KMT2C: variants seen among roughly 807,000 people sequenced by gnomAD.
KMT2C encodes histone-lysine N-methyltransferase 2C.
KMT2C carries 88 observed loss-of-function variants against 507.9 expected under a neutral mutation model. The ratio of observed to expected loss-of-function variants is 0.17; its 90% confidence interval spans 0.15 to 0.21. The LOEUF (loss-of-function observed/expected upper bound fraction) is 0.21, where lower values mean the gene tolerates loss of function less well. KMT2C is among the 10% of genes least tolerant of loss of function. KMT2C has a pLI of 1.00. For synonymous variants in KMT2C, 2,049 were observed against 2,080.8 expected, an observed-to-expected ratio of 0.98 and a Z score of 0.42; for missense variants, 4,954 against 5,957.8, an observed-to-expected ratio of 0.83 and a Z score of 5.55.
rs12703198 is a variant in KMT2C at position 152,138,260 on chromosome 7, C to T, written c.14643+536G>A. The T allele has an allele frequency of 0.04, 6,145 of 152,812 alleles. 202 individuals are homozygous for T. The highest frequency in any genetic ancestry group is 0.17 in the East Asian group (868 of 5,186). The allele number at this position is 152,812 out of a possible 1,614,324, so 9.5% of individuals were successfully genotyped here. On this transcript the variant is annotated intron_variant, in intron 58 of 58. Transcript: ENST00000262189. This position sits in a 1 kb window ranked among gnomAD's most constrained non-coding sequence, Gnocchi z 4.2. ...GGAGACAAACAGCAAGCTTGGCACT[C>T]GGCATTTTGAAGACAACAACCCACA...
chr7:152,273,019 A>G (rs1588781475), intron 7 of KMT2C, among the ~76,000 whole-genome samples: 1 of 152,170 alleles, frequency 6.6e-6, no homozygotes, highest in East Asian at 1.9e-4. Context: ...CCCAAAACAT[A>G]TATGCTCATA....
intron 1 of KMT2C, among the ~76,000 whole-genome samples, chr7:152,396,709 C>T (rs1244923686): frequency 6.6e-6 from 1 of 152,154 alleles, no homozygotes; most frequent in African/African-American, 2.4e-5. Flanking sequence ...CTCCCATTTT[C>T]AGAAATGTAG....
intron 1 of KMT2C, among the ~76,000 whole-genome samples, chr7:152,423,918 C>T (rs560595382): frequency 6.0e-5 from 9 of 149,590 alleles, no homozygotes; most frequent in Admixed American, 2.7e-4. Flanking sequence ...TCTTTCTATT[C>T]TGTATGACCT....
chr7:152,225,687 C>A (rs957255242), intron 18 of KMT2C, among the ~76,000 whole-genome samples: 10 of 152,132 alleles, frequency 6.6e-5, no homozygotes, highest in Non-Finnish European at 1.3e-4. Flanking sequence ...CAAAGGACAT[C>A]AGGCCAGGAA....
At chr7:152,315,041 CA>C in intron 4 of KMT2C, 96 bp downstream of exon 4, 1 of 1,055,834 alleles carries the variant, frequency 9.5e-7, no homozygotes, top group East Asian at 2.5e-5. Context: ...AACTGTTCAA[CA>C]AGAACAATCC....
At chr7:152,165,124 C>T (rs888088475) in intron 42 of KMT2C, among the ~76,000 whole-genome samples, 2 of 152,204 alleles carry the variant, frequency 1.3e-5, no homozygotes, top group Non-Finnish European at 2.9e-5. Flanking sequence ...CTGGTTAGAA[C>T]TGAGAAATTA....
At chr7:152,294,230 A>G (rs1161413359) in intron 6 of KMT2C, among the ~76,000 whole-genome samples, 3 of 152,208 alleles carry the variant, frequency 2.0e-5, no homozygotes, top group Non-Finnish European at 4.4e-5. Flanking sequence ...AATATCTAGG[A>G]TTATCTTGCT....
intron 42 of KMT2C, 133 bp from the exon 43 acceptor site, chr7:152,163,959 G>A: frequency 2.6e-6 from 2 of 758,912 alleles, no homozygotes; most frequent in South Asian, 1.8e-5. Flanking sequence ...TTTTGCTTGG[G>A]TAACTGCAAA....
rs112800369 is a variant in KMT2C, at chr7:152,135,511, CTT to C, written c.*1319_*1320del. 9.5e-5 allele frequency: 19 copies of C among 201,058 alleles called. No homozygotes were observed. The highest frequency in any genetic ancestry group is 1.6e-4 in the East Asian group (2 of 12,652). The allele number at this position is 201,058 out of a possible 1,614,324, so 12.5% of individuals were successfully genotyped here. ...GCAGCTGTAAGCATAATCACATCTCCTTTTTTTTTTTAACTTTTTCAAATTTT... is the reference window on the plus strand; with the variant it reads ...GCAGCTGTAAGCATAATCACATCTCCTTTTTTTTTAACTTTTTCAAATTTT... On this transcript the variant is annotated 3_prime_UTR_variant, in exon 59 of 59. Transcript: ENST00000262189.
chr7:152,195,853 C>A, intron 28 of KMT2C, 54 bp downstream of exon 28: 2 of 975,066 alleles, frequency 2.1e-6, no homozygotes, highest in South Asian at 1.7e-5. Flanking sequence ...ACACATCATA[C>A]ACCTCTCGCT....
At chr7:152,330,013 G>A (rs1342139715) in intron 3 of KMT2C, among the ~76,000 whole-genome samples, 6 of 151,522 alleles carry the variant, frequency 4.0e-5, no homozygotes, top group Admixed American at 6.6e-5. Flanking sequence ...GCATGGTGGT[G>A]CATGCCTATA....
At chr7:152,231,324 G>A (rs1318013066) in intron 16 of KMT2C, among the ~76,000 whole-genome samples, 2 of 152,202 alleles carry the variant, frequency 1.3e-5, no homozygotes, top group Non-Finnish European at 2.9e-5. Flanking sequence ...ACTAGAAGCT[G>A]TAGAAGAAGA....
chr7:152,228,018 A>C (rs1227935396), intron 18 of KMT2C, among the ~76,000 whole-genome samples: 1 of 152,242 alleles, frequency 6.6e-6, no homozygotes, highest in Non-Finnish European at 1.5e-5. Flanking sequence ...GAGTCTGTAA[A>C]GTTAAAACAA....
rs28635745 is a variant in KMT2C, at chr7:152,215,748, A to G, written c.3712+4775T>C. ...TACACACACACACACACACACACAC[A>G]TTTCCTTATACATGCATAAAACACA... On this transcript the variant is annotated intron_variant, in intron 23 of 58. Coordinates refer to ENST00000262189, the MANE Select transcript of KMT2C (RefSeq NM_170606.3). Among the ~76,000 whole-genome samples, 1,381 of 149,036 alleles carry G rather than the reference A, an allele frequency of 9.3e-3. 27 individuals are homozygous for G. The highest frequency in any genetic ancestry group is 0.033 in the African/African-American group (1,320 of 39,474).
rs368995746 is a variant in KMT2C, at chr7:152,381,377, T to C, written c.162-22702A>G. On this transcript the variant is annotated intron_variant, in intron 1 of 58. Transcript: ENST00000262189. ...GCAGGGAGGGGGGGAGGGGTGCGGG[T>C]GTGCTACTATATCTAGCGGGTGGAG... Among the ~76,000 whole-genome samples, 67 of 152,130 alleles carry C rather than the reference T, an allele frequency of 4.4e-4. No homozygotes were observed. The East Asian group carries it at 9.8e-3, about 22-fold the overall frequency.
intron 1 of KMT2C, among the ~76,000 whole-genome samples, chr7:152,431,905 T>C (rs559805860): frequency 6.6e-6 from 1 of 152,326 alleles, no homozygotes; most frequent in African/African-American, 2.4e-5. Flanking sequence ...ATGGTATATA[T>C]TGTAATGCAG....
At position 152,311,835 on chromosome 7, in the gene KMT2C, T is replaced by C. The variant is rs1465731941; in HGVS notation, c.702A>G (p.Pro234=). 1 of 1,611,472 alleles carries C rather than the reference T, an allele frequency of 6.2e-7. No homozygotes were observed. The highest frequency in any genetic ancestry group is 1.7e-5 in the Admixed American group (1 of 59,992). The stretch of plus-strand genomic sequence containing the variant: ...ATAAGGCTTGGATATCAATGGCATC[T>C]GGAAGCCCAACCAGACTGAGTTCAT... ...LWDELSLVGL[P]DAIDIQALFD... is the part of the protein sequence containing the mutation. Residue 234 remains proline, a synonymous_variant, in exon 5 of 59, where the codon CCA becomes CCG. Transcript: ENST00000262189.
intron 2 of KMT2C, among the ~76,000 whole-genome samples, chr7:152,354,457 A>C (rs1455724228): frequency 6.6e-6 from 1 of 152,206 alleles, no homozygotes; most frequent in Non-Finnish European, 1.5e-5. Flanking sequence ...GACTTCATAA[A>C]GCTTACATTC....
At chr7:152,224,263 A>G (rs1422844891) in intron 19 of KMT2C, 84 bp from the exon 20 acceptor site, 2 of 1,376,954 alleles carry the variant, frequency 1.5e-6, no homozygotes, top group African/African-American at 1.4e-5. Context: ...ACATACGAAC[A>G]TAATGGGGGA....
Sources: gnomAD v4.1 joint callset for allele counts (sites outside exome capture counted in the v4.1 genomes callset) on GRCh38, gnomAD v4.1.1 for gene constraint, Gnocchi (gnomAD v3.1) non-coding constraint, MANE v1.5 for transcripts, NCBI Gene and HGNC (gene_info 2026-07-23, HGNC 2026-07-21) for gene names.